TNFSF11: variants seen among roughly 807,000 people sequenced by gnomAD.
TNFSF11 encodes the protein tumor necrosis factor ligand superfamily member 11.
In TNFSF11, 12 loss-of-function variants were observed where a neutral mutation model predicts 32.2. The ratio of observed to expected loss-of-function variants is 0.37; its 90% CI spans 0.24 to 0.60. The LOEUF (loss-of-function observed/expected upper bound fraction) is 0.60, where lower values mean the gene tolerates loss of function less well. Among genes scored for constraint, TNFSF11 ranks in the 20% least tolerant of loss-of-function variants. The probability of loss-of-function intolerance (pLI) is 0.66; values close to 1 mark genes in which losing one functional copy is unlikely to be tolerated. For missense variants in TNFSF11, 345 were observed against 398.0 expected (o/e 0.87, Z 1.13); for synonymous variants, 172 against 152.1 (o/e 1.13, Z -0.96).
chr13:42,563,247 G>A (rs1358989913), intron 1 of TNFSF11, among the ~76,000 whole-genome samples: 1 of 152,202 alleles, frequency 6.6e-6, no homozygotes, highest in Non-Finnish European at 1.5e-5. Flanking sequence ...GAGGGAAGAA[G>A]ATTTAACTTG....
Position 42,600,866 on chromosome 13 carries a change from G to A in TNFSF11, c.434-17G>A, listed in dbSNP as rs200146929. On this transcript the variant is annotated splice_polypyrimidine_tract_variant and intron_variant, in intron 3 of 4. Coordinates refer to ENST00000398795, the MANE Select transcript of TNFSF11 (RefSeq NM_003701.4). ...CTACTATTTTGGCTATAATAATATG[G>A]TTTCTCTCATCTCCAGCGATGGTGG... 3 of 1,613,906 alleles carry A rather than the reference G, an allele frequency of 1.9e-6. No homozygotes were observed. The highest frequency in any genetic ancestry group is 2.5e-6 in the Non-Finnish European group (3 of 1,180,004).
chr13:42,587,835 A>G (rs1277697429), intron 2 of TNFSF11, among the ~76,000 whole-genome samples: 4 of 152,238 alleles, frequency 2.6e-5, no homozygotes, highest in Non-Finnish European at 5.9e-5. Flanking sequence ...TTTTGAACTA[A>G]TGTAAATAAG....
rs71202227 is a variant in TNFSF11 at position 42,583,444 on chromosome 13, G to GAAAAAAAAAAAAAAAAAAAAAAAAAA, written c.387+2153_387+2154insAAAAAAAAAAAAAAAAAAAAAAAAAA. On this transcript the variant is annotated intron_variant, in intron 2 of 4. Transcript: ENST00000398795. ...AAAAAAAAAAAAAAAAAAAAGAAAG[G>GAAAAAAAAAAAAAAAAAAAAAAAAAA]AAGAAAGGAAGGAAGGAAAAAGATT... Among the ~76,000 whole-genome samples, 12 of 95,594 alleles carry GAAAAAAAAAAAAAAAAAAAAAAAAAA rather than the reference G, an allele frequency of 1.3e-4. 1 individual carries two copies. Among genetic ancestry groups the GAAAAAAAAAAAAAAAAAAAAAAAAAA allele is most frequent in the African/African-American group, 5.6e-4 (12 of 21,498 alleles). The allele number at this position is 95,594 out of a possible 152,430, so 62.7% of individuals were successfully genotyped here.
At position 42,607,958 on chromosome 13, in the gene TNFSF11, C is replaced by T. The variant is rs1869557508; in HGVS notation, c.*1040C>T. On this transcript the variant is annotated 3_prime_UTR_variant, in exon 5 of 5. Transcript: ENST00000398795. The stretch of plus-strand genomic sequence containing the variant: ...GTTATCTTATACTGTACAATAAAAA[C>T]ATTGCCTTTGAATGTTAATTTTTTG... The T allele has an allele frequency of 6.6e-6, 1 of 152,142 alleles. No individual in the cohort carries two copies. The highest frequency in any genetic ancestry group is 2.4e-5 in the African/African-American group (1 of 41,316). The allele number at this position is 152,142 out of a possible 1,614,324, so 9.4% of individuals were successfully genotyped here. A position where few individuals can be genotyped will look rare whatever the true frequency, so the allele number is the denominator to read the frequency against.
intron 2 of TNFSF11, among the ~76,000 whole-genome samples, chr13:42,567,742 G>C (rs1410131450): frequency 6.6e-6 from 1 of 152,204 alleles, no homozygotes; most frequent in Non-Finnish European, 1.5e-5. Flanking sequence ...AGAATAGACT[G>C]TTTATGGCAA....
chr13:42,581,314 A>T, intron 2 of TNFSF11, 21 bp downstream of exon 2: 3 of 1,613,698 alleles, frequency 1.9e-6, no homozygotes, highest in Non-Finnish European at 2.5e-6. Flanking sequence ...ATCGAGGCTG[A>T]TAAGTCAAGG....
intron 4 of TNFSF11, among the ~76,000 whole-genome samples, 180 bp from the exon 5 acceptor site, chr13:42,606,317 A>G (rs1018634370): frequency 1.3e-5 from 2 of 152,280 alleles, no homozygotes; most frequent in Middle Eastern, 3.2e-3. Context: ...TGTGCCTAAC[A>G]GAATGCACCA....
chr13:42,583,417 T>TAAAAAA (rs71747752), intron 2 of TNFSF11, among the ~76,000 whole-genome samples: 5 of 24,584 alleles, frequency 2.0e-4, no homozygotes, highest in Admixed American at 9.6e-4. Flanking sequence ...AAGACCCTGC[T>TAAAAAA]AAAAAAAAAA....
At position 42,574,609 on chromosome 13, in the gene TNFSF11, G is replaced by C. The variant is rs1594458365; in HGVS notation, c.219+87G>C. ...GGAAACTGAGTCTGGCGGCAGGGCT[G>C]GGCCACCCAGAGCTTGCATATTCCG... On this transcript the variant is annotated intron_variant, in intron 1 of 4. Transcript: ENST00000398795. 2.0e-6 allele frequency: 3 copies of C among 1,465,700 alleles called. No homozygotes were observed. In the East Asian group the frequency reaches 7.1e-5, roughly 35 times the overall value. The allele number at this position is 1,465,700 out of a possible 1,614,324, so 90.8% of individuals were successfully genotyped here.
At chr13:42,571,917 A>G (rs1277594852), upstream of TNFSF11, among the ~76,000 whole-genome samples, 1 of 152,218 alleles carries the variant, frequency 6.6e-6, no homozygotes, top group Non-Finnish European at 1.5e-5. Flanking sequence ...TTTACCATGC[A>G]CCTACTATAG....
chr13:42,589,161 C>G (rs1874040806), intron 2 of TNFSF11, among the ~76,000 whole-genome samples: 1 of 152,198 alleles, frequency 6.6e-6, no homozygotes, highest in African/African-American at 2.4e-5. Context: ...GGCTGCTTCT[C>G]ATTTGATCTA....
chr13:42,601,955 G>A lies in TNFSF11; in HGVS notation c.532+974G>A, dbSNP rs536342845. On this transcript the variant is annotated intron_variant, in intron 4 of 4. Transcript: ENST00000398795. ...TGATAGGATTAGAAGTAGAATTCCCGTCCCGTTGATTGCTAAGTCCGTGCT... is the reference window on the plus strand; with the variant it reads ...TGATAGGATTAGAAGTAGAATTCCCATCCCGTTGATTGCTAAGTCCGTGCT... Among the ~76,000 whole-genome samples the A allele has an allele frequency of 1.8e-4, 28 of 152,278 alleles. 2 individuals are homozygous for A. In the South Asian group the frequency reaches 4.8e-3, roughly 26 times the overall value.
chr13:42,606,300 C>T (rs1171330794), intron 4 of TNFSF11, among the ~76,000 whole-genome samples, 197 bp from the exon 5 acceptor site: 1 of 152,212 alleles, frequency 6.6e-6, no homozygotes, highest in East Asian at 1.9e-4. Context: ...GTCTTCGTAG[C>T]CTCTACTGTG....
intron 2 of TNFSF11, among the ~76,000 whole-genome samples, chr13:42,588,064 C>T (rs1873983056): frequency 6.6e-6 from 1 of 152,176 alleles, no homozygotes; most frequent in African/African-American, 2.4e-5. Flanking sequence ...CTCATGTTCC[C>T]AAGTCACGAT....
intron 2 of TNFSF11, among the ~76,000 whole-genome samples, chr13:42,599,813 G>A (rs895494844): frequency 2.6e-5 from 4 of 152,086 alleles, no homozygotes; most frequent in East Asian, 1.9e-4. Flanking sequence ...CAAGTGATCC[G>A]CCCATGCCAG....
Position 42,574,315 on chromosome 13 carries a change from C to A in TNFSF11, c.12C>A (p.Ala4=). Residue 4 remains alanine (A), a synonymous_variant, in exon 1 of 5, where the codon GCC becomes GCA. Coordinates refer to ENST00000398795, the MANE Select transcript of TNFSF11 (RefSeq NM_003701.4). ...GAGGGCCGAGCGCCATGCGCCGCGC[C>A]AGCAGAGACTACACCAAGTACCTGC... MRR[A]SRDYTKYLRG... The A allele has an allele frequency of 6.5e-7, 1 of 1,547,032 alleles. No individual in the cohort carries two copies. Among genetic ancestry groups the A allele is most frequent in the Non-Finnish European group, 8.7e-7 (1 of 1,146,298 alleles).
chr13:42,605,464 A>G (rs1869404137), intron 4 of TNFSF11, among the ~76,000 whole-genome samples: 1 of 152,240 alleles, frequency 6.6e-6, no homozygotes, highest in Admixed American at 6.5e-5. Flanking sequence ...GTCCACATCA[A>G]TACAAATCTT....
chr13:42,593,881 T>C (rs1868637872), intron 2 of TNFSF11, among the ~76,000 whole-genome samples: 1 of 152,150 alleles, frequency 6.6e-6, no homozygotes, highest in Non-Finnish European at 1.5e-5. Context: ...GCCAGTGATT[T>C]CCAAAGCATC....
chr13:42,599,855 A>G (rs1364184794), intron 2 of TNFSF11, among the ~76,000 whole-genome samples: 4 of 152,096 alleles, frequency 2.6e-5, no homozygotes, highest in Non-Finnish European at 5.9e-5. Flanking sequence ...TGGGTATATA[A>G]TAGACATCTA....
Sources: gnomAD v4.1 joint callset for allele counts (sites outside exome capture counted in the v4.1 genomes callset) on GRCh38, gnomAD v4.1.1 for gene constraint, MANE v1.5 for transcripts, NCBI Gene and HGNC (gene_info 2026-07-23, HGNC 2026-07-21) for gene names.